ADAM12: variants seen among roughly 807,000 people sequenced by gnomAD.
ADAM12 encodes disintegrin and metalloproteinase domain-containing protein 12.
ADAM12 carries 70 observed loss-of-function variants against 106.4 expected under a neutral mutation model. The ratio of observed to expected loss-of-function variants is 0.66; its 90% confidence interval spans 0.54 to 0.80. The LOEUF (loss-of-function observed/expected upper bound fraction) is 0.80, where lower values mean the gene tolerates loss of function less well. Among genes scored for constraint, ADAM12 ranks in the 30% least tolerant of loss-of-function variants. ADAM12 has a pLI of 0.00. For synonymous variants in ADAM12, 420 were observed against 433.5 expected (o/e 0.97, Z 0.39); for missense variants, 1,010 against 1,171.9 (o/e 0.86, Z 2.02).
intron 3 of ADAM12, among the ~76,000 whole-genome samples, chr10:126,242,689 C>T (rs908606739): frequency 6.6e-5 from 10 of 150,934 alleles, no homozygotes; most frequent in African/African-American, 1.7e-4. Flanking sequence ...CGGAAGTGCT[C>T]TCTCTGAGTT....
chr10:126,317,605 T>A (rs1173958231), intron 2 of ADAM12, among the ~76,000 whole-genome samples: 3 of 84,176 alleles, frequency 3.6e-5, no homozygotes, highest in Non-Finnish European at 6.8e-5. Flanking sequence ...TGGGAATTAA[T>A]TTTTTTAAGA....
chr10:126,339,747 G>A (rs1399771018), intron 1 of ADAM12, among the ~76,000 whole-genome samples: 1 of 152,010 alleles, frequency 6.6e-6, no homozygotes, highest in African/African-American at 2.4e-5. Context: ...AGAGAGGGAG[G>A]AGCAGAAGTC....
At chr10:126,050,005 TGGCTGGCTGGCTGGCTGGCTGG>T in intron 14 of ADAM12, among the ~76,000 whole-genome samples, 1 of 36,072 alleles carries the variant, frequency 2.8e-5, no homozygotes, top group African/African-American at 1.3e-4. Flanking sequence ...GCTGGCTGGC[TGGCTGGCTGGCTGGCTGGCTGG>T]CTGGCTGCAG....
At chr10:126,312,016 CT>C (rs1961121456) in intron 2 of ADAM12, among the ~76,000 whole-genome samples, 1 of 150,802 alleles carries the variant, frequency 6.6e-6, no homozygotes, top group Non-Finnish European at 1.5e-5. Flanking sequence ...AGTGGAGCAT[CT>C]TGTGGGATGG....
At position 126,318,354 on chromosome 10, in the gene ADAM12, ACT is replaced by A. The variant is rs769076381; in HGVS notation, c.186+12056_186+12057del. Among the ~76,000 whole-genome samples the A allele has an allele frequency of 9.2e-4, 140 of 151,734 alleles. 1 individual carries two copies. Among genetic ancestry groups the A allele is most frequent in the African/African-American group, 3.2e-3 (131 of 41,342 alleles). On this transcript the variant is annotated intron_variant, in intron 2 of 22. Coordinates refer to ENST00000448723, the MANE Select transcript of ADAM12 (RefSeq NM_001288973.2). ...CACACACAAACTCACACACATTCAC[ACT>A]CTCTCACTCGCATACATCCACAAGC... is the stretch of plus-strand genomic sequence containing the variant.
intron 3 of ADAM12, among the ~76,000 whole-genome samples, chr10:126,249,044 ATAGAG>A (rs1311320662): frequency 6.6e-6 from 1 of 152,064 alleles, no homozygotes; most frequent in East Asian, 1.9e-4. Context: ...AGAACCAACT[ATAGAG>A]TAAAATTATT....
intron 5 of ADAM12, among the ~76,000 whole-genome samples, chr10:126,130,364 A>G (rs1956282757): frequency 6.6e-6 from 1 of 152,142 alleles, no homozygotes; most frequent in African/African-American, 2.4e-5. Flanking sequence ...TAACAACAGC[A>G]CAAAGATCTG....
At chr10:126,275,957 T>C (rs1008746064) in intron 3 of ADAM12, among the ~76,000 whole-genome samples, 8 of 152,364 alleles carry the variant, frequency 5.3e-5, no homozygotes, top group Non-Finnish European at 7.4e-5. Context: ...TTGAATACTA[T>C]GTAAACTATT....
chr10:126,162,721 G>A (rs1386703104), intron 3 of ADAM12, among the ~76,000 whole-genome samples: 1 of 152,150 alleles, frequency 6.6e-6, no homozygotes, highest in Non-Finnish European at 1.5e-5. Context: ...GGAAATTCAG[G>A]GGGGCCCAGA....
At chr10:126,071,693 T>C (rs1440489020) in intron 11 of ADAM12, 39 bp from the exon 12 acceptor site, 1 of 1,604,488 alleles carries the variant, frequency 6.2e-7, no homozygotes, top group Admixed American at 1.7e-5. Flanking sequence ...TCACAGGGCA[T>C]GGAATGGCTT....
In ADAM12 at chr10:126,114,558, C is replaced by T. The variant is rs956674862; in HGVS notation, c.603+3480G>A. On this transcript the variant is annotated intron_variant, in intron 6 of 22. Coordinates refer to ENST00000448723, the MANE Select transcript of ADAM12 (RefSeq NM_001288973.2). The stretch of plus-strand genomic sequence containing the variant: ...GCAATGGCATGATCTCAGCTCACTA[C>T]AACCTCTGCCTCCTGGTTTCAAGTG... Among the ~76,000 whole-genome samples, 3 of 152,240 alleles carry T rather than the reference C, an allele frequency of 2.0e-5. No individual in the cohort carries two copies. In the South Asian group the frequency reaches 6.2e-4, roughly 32 times the overall value.
chr10:126,182,705 C>T (rs1184654222), intron 3 of ADAM12, among the ~76,000 whole-genome samples: 2 of 152,270 alleles, frequency 1.3e-5, no homozygotes, highest in African/African-American at 2.4e-5. Flanking sequence ...AATAAACATC[C>T]GTGAGGTCAG....
intron 4 of ADAM12, among the ~76,000 whole-genome samples, chr10:126,143,138 G>T (rs1956548758): frequency 6.6e-6 from 1 of 151,436 alleles, no homozygotes; most frequent in South Asian, 2.1e-4. Context: ...GTATATCAGT[G>T]TGCATGTGTA....
chr10:126,031,468 G>C (rs1206361023), intron 21 of ADAM12, among the ~76,000 whole-genome samples: 2 of 152,190 alleles, frequency 1.3e-5, no homozygotes, highest in African/African-American at 4.8e-5. Context: ...GCACCTGACT[G>C]ATCTACAATC....
chr10:126,101,203 G>T lies in ADAM12; in HGVS notation c.780C>A (p.Gly260=), dbSNP rs775437377. ...RPLNIRIVLV[G]VEVWNDMDKC... ...TGTCCATGTCATTCCACACTTCCACGCCTACCAACACGATCCGAATGTTCA... is the reference window on the plus strand; with the variant it reads ...TGTCCATGTCATTCCACACTTCCACTCCTACCAACACGATCCGAATGTTCA... The change falls in exon 9 of 23, where the codon GGC becomes GGA. Residue 260 remains glycine (G), a synonymous_variant. Coordinates refer to ENST00000448723, the MANE Select transcript of ADAM12 (RefSeq NM_001288973.2). The T allele has an allele frequency of 6.2e-7, 1 of 1,614,004 alleles. No homozygotes were observed. The highest frequency in any genetic ancestry group is 1.3e-5 in the African/African-American group (1 of 74,904).
intron 1 of ADAM12, among the ~76,000 whole-genome samples, chr10:126,348,817 A>C (rs1345699274): frequency 6.6e-6 from 1 of 152,230 alleles, no homozygotes; most frequent in African/African-American, 2.4e-5. Flanking sequence ...AGTTGAATCT[A>C]ATTTCAGATA....
intron 14 of ADAM12, among the ~76,000 whole-genome samples, chr10:126,058,662 ACT>A (rs1385856794): frequency 1.3e-5 from 2 of 152,066 alleles, no homozygotes; most frequent in Admixed American, 6.6e-5. Context: ...CCCGCAGACA[ACT>A]CTCTGCGCGC....
chr10:126,164,075 T>C (rs745692475), intron 3 of ADAM12, among the ~76,000 whole-genome samples: 55 of 152,210 alleles, frequency 3.6e-4, no homozygotes, highest in Admixed American at 1.3e-4. Flanking sequence ...GCTGACAACA[T>C]GTTATCAATT....
At position 126,261,109 on chromosome 10, in the gene ADAM12, G is replaced by C. The variant is rs144591059; in HGVS notation, c.260+17806C>G. On this transcript the variant is annotated intron_variant, in intron 3 of 22. Coordinates refer to ENST00000448723, the MANE Select transcript of ADAM12 (RefSeq NM_001288973.2). ...TATACAGGAGGATTTAAAGTATACA[G>C]TAGGTTATATGCAAATACTATGCCA... 5.6e-3 allele frequency among the ~76,000 whole-genome samples: 850 copies of C among 152,318 alleles called. 8 individuals carry two copies. The highest frequency in any genetic ancestry group is 0.02 in the African/African-American group (815 of 41,556).
Sources: allele counts gnomAD v4.1 joint callset (sites outside exome capture counted in the v4.1 genomes callset), GRCh38; gene constraint gnomAD v4.1.1; transcripts MANE v1.5; gene names NCBI Gene and HGNC (gene_info 2026-07-23, HGNC 2026-07-21).